The following TJP1 variants were observed in gnomAD, a reference collection of about 807,000 sequenced individuals.
TJP1 encodes the protein tight junction protein ZO-1.
Under a neutral mutation model 194.2 loss-of-function variants are expected in TJP1, and 43 were observed. That is an observed-to-expected ratio of 0.22 (90% CI 0.17 to 0.29). The LOEUF is 0.29. Among genes scored for constraint, TJP1 ranks in the 10% least tolerant of loss-of-function variants. The probability of loss-of-function intolerance (pLI) is 1.00; values close to 1 mark genes in which losing one functional copy is unlikely to be tolerated. For missense variants in TJP1, 1,971 were observed against 2,185.7 expected, an observed-to-expected ratio of 0.90 and a Z score of 1.96; for synonymous variants, 801 against 779.0, an observed-to-expected ratio of 1.03 and a Z score of -0.47.
chr15:29,819,670 A>G (rs1257592634), intron 1 of TJP1, among the ~76,000 whole-genome samples: 2 of 152,210 alleles, frequency 1.3e-5, no homozygotes, highest in African/African-American at 4.8e-5. Context: ...AGTTTTCTAC[A>G]ATACAACACT....
At chr15:29,811,278 T>C (rs2049481229) in intron 1 of TJP1, among the ~76,000 whole-genome samples, 1 of 151,926 alleles carries the variant, frequency 6.6e-6, no homozygotes, top group Admixed American at 6.6e-5. Flanking sequence ...AGTGTTCGCA[T>C]GTGTGTGTAG....
At chr15:29,946,458 G>A (rs1399103734) in intron 2 of TJP1, among the ~76,000 whole-genome samples, 2 of 152,302 alleles carry the variant, frequency 1.3e-5, no homozygotes, top group South Asian at 2.1e-4. Flanking sequence ...TCTGGCAGAC[G>A]CAACATGCCC....
Position 29,904,672 on chromosome 15 carries a change from G to GA in TJP1, c.306+51559dup, listed in dbSNP as rs985071076. On this transcript the variant is annotated intron_variant, in intron 2 of 28. Coordinates refer to the TJP1 transcript ENST00000356107. ...TAGAATGCTTTCCCCTGTCTTATTA[G>GA]AAAAAAAAATAAAGATAATCGAAGT... Among the ~76,000 whole-genome samples the GA allele has an allele frequency of 1.6e-4, 24 of 150,880 alleles. 1 individual carries two copies. In the East Asian group the frequency reaches 3.1e-3, roughly 20 times the overall value.
intron 2 of TJP1, among the ~76,000 whole-genome samples, chr15:29,887,016 CAGA>C (rs1315651802): frequency 1.3e-5 from 2 of 151,818 alleles, no homozygotes; most frequent in African/African-American, 4.8e-5. Flanking sequence ...GTGGCACAGA[CAGA>C]AGGACAGGCA....
At chr15:29,789,533 A>G (rs1044818421) in intron 2 of TJP1, among the ~76,000 whole-genome samples, 3 of 152,246 alleles carry the variant, frequency 2.0e-5, no homozygotes, top group Non-Finnish European at 4.4e-5. Context: ...GTCTTTAAGA[A>G]TGAATAGGGT....
At chr15:29,734,903 T>C (rs1852219360) in intron 11 of TJP1, among the ~76,000 whole-genome samples, 1 of 152,154 alleles carries the variant, frequency 6.6e-6, no homozygotes, top group Non-Finnish European at 1.5e-5. Context: ...TTTATTTAAA[T>C]AGTATTCAGT....
At chr15:29,900,221 G>A (rs2053595091) in intron 2 of TJP1, among the ~76,000 whole-genome samples, 1 of 152,194 alleles carries the variant, frequency 6.6e-6, no homozygotes, top group South Asian at 2.1e-4. Flanking sequence ...CGTGAACACA[G>A]CCAGGGTGGC....
intron 5 of TJP1, among the ~76,000 whole-genome samples, chr15:29,764,521 G>A (rs1379100298): frequency 6.6e-6 from 1 of 152,182 alleles, no homozygotes; most frequent in Non-Finnish European, 1.5e-5. Flanking sequence ...CAACCTATGA[G>A]ACCAAATGAG....
At chr15:29,756,897 G>C (rs1361619938) in intron 8 of TJP1, among the ~76,000 whole-genome samples, 1 of 152,094 alleles carries the variant, frequency 6.6e-6, no homozygotes, top group East Asian at 1.9e-4. Flanking sequence ...GGAAATCTCA[G>C]AAAATGGTTA....
intron 15 of TJP1, among the ~76,000 whole-genome samples, chr15:29,731,767 A>G (rs2043677871): frequency 6.6e-6 from 1 of 152,004 alleles, no homozygotes; most frequent in South Asian, 2.1e-4. Context: ...TTGTTTATGG[A>G]AAGTATCTTT....
chr15:29,791,213 G>A (rs1372064105), intron 2 of TJP1, among the ~76,000 whole-genome samples: 1 of 151,656 alleles, frequency 6.6e-6, no homozygotes, highest in Non-Finnish European at 1.5e-5. Flanking sequence ...TTTTAGTAGA[G>A]ACGGGATTTC....
At chr15:29,968,359 G>A in intron 1 of TJP1, 1 of 985,408 alleles carries the variant, frequency 1.0e-6, no homozygotes, top group South Asian at 4.7e-5. Flanking sequence ...ACAGACAGAG[G>A]CGGGAGGCCG....
intron 11 of TJP1, among the ~76,000 whole-genome samples, chr15:29,735,514 G>A (rs567638209): frequency 5.7e-4 from 86 of 150,970 alleles, no homozygotes; most frequent in African/African-American, 2.0e-3. Context: ...TTGAGCCTAG[G>A]TGTTTAAGGC....
At chr15:29,869,519 C>G (rs1003632055) in intron 2 of TJP1, among the ~76,000 whole-genome samples, 1 of 152,126 alleles carries the variant, frequency 6.6e-6, no homozygotes, top group Admixed American at 6.6e-5. Flanking sequence ...CCTAAACTCC[C>G]ACTACCCAAG....
chr15:29,803,178 TTC>T (rs2048898659), intron 1 of TJP1, among the ~76,000 whole-genome samples: 1 of 152,198 alleles, frequency 6.6e-6, no homozygotes, highest in South Asian at 2.1e-4. Flanking sequence ...CTGCTTTCCT[TTC>T]TCCATTCCCC....
chr15:29,831,358 A>G (rs2152045600), intron 2 of TJP1, among the ~76,000 whole-genome samples: 1 of 151,616 alleles, frequency 6.6e-6, no homozygotes, highest in East Asian at 1.9e-4. Flanking sequence ...AAGACAAGCA[A>G]ACATTTATGC....
intron 8 of TJP1, among the ~76,000 whole-genome samples, chr15:29,750,796 C>A (rs2045223597): frequency 6.6e-6 from 1 of 152,188 alleles, no homozygotes; most frequent in Non-Finnish European, 1.5e-5. Flanking sequence ...ATACTTTTCA[C>A]AAGTTCATTA....
rs1010077546 is a variant in TJP1, at chr15:29,874,503, C to T, written c.307-73801G>A. ...CAGACAGCAGTCAGAGACAATACCC[C>T]GGGTTAAAAAAGGAATCTACCCCAT... On this transcript the variant is annotated intron_variant, in intron 2 of 28. Transcript: ENST00000356107. Among the ~76,000 whole-genome samples, 219 of 152,120 alleles carry T rather than the reference C, an allele frequency of 1.4e-3. 6 individuals carry two copies. The highest frequency in any genetic ancestry group is 0.014 in the Admixed American group (209 of 15,284).
intron 2 of TJP1, among the ~76,000 whole-genome samples, chr15:29,900,067 G>T (rs532187360): frequency 2.0e-5 from 3 of 152,196 alleles, no homozygotes; most frequent in African/African-American, 7.2e-5. Flanking sequence ...AACTCAGGGT[G>T]GGGGGATGGC....
Sources: allele counts gnomAD v4.1 joint callset (sites outside exome capture counted in the v4.1 genomes callset), GRCh38; gene constraint gnomAD v4.1.1; transcripts MANE v1.5; gene names NCBI Gene and HGNC (gene_info 2026-07-23, HGNC 2026-07-21).